TAX1BP1: variants seen among roughly 807,000 people sequenced by gnomAD.
The protein encoded by TAX1BP1 is tax1-binding protein 1.
Under a neutral mutation model 97.7 loss-of-function variants are expected in TAX1BP1, and 62 were observed. The observed-to-expected ratio is 0.63, with a 90% confidence interval of 0.52 to 0.78. The LOEUF (loss-of-function observed/expected upper bound fraction) is 0.78, where lower values mean the gene tolerates loss of function less well. Among genes scored for constraint, TAX1BP1 ranks in the 30% least tolerant of loss-of-function variants. The pLI is 0.00. For missense variants in TAX1BP1, 867 were observed against 916.1 expected (o/e 0.95, Z 0.69); for synonymous variants, 340 against 304.2 (o/e 1.12, Z -1.23).
chr7:27,814,562 A>G (rs1455670189), intron 13 of TAX1BP1, among the ~76,000 whole-genome samples: 1 of 152,150 alleles, frequency 6.6e-6, no homozygotes, highest in Non-Finnish European at 1.5e-5. Flanking sequence ...TTTAGTGTAT[A>G]GGCTTTGCAC....
At position 27,796,133 on chromosome 7, in the gene TAX1BP1, A is replaced by T; in HGVS notation, c.1552A>T (p.Ile518Leu). The T allele has an allele frequency of 1.2e-6, 2 of 1,606,616 alleles. No individual in the cohort carries two copies. The highest frequency in any genetic ancestry group is 2.2e-5 in the East Asian group (1 of 44,706). The stretch of plus-strand genomic sequence containing the variant: ...TTCTACAGCAGAGGCAGATTTTGAC[A>T]TAGTAACAAAGGGGCAAGTCTGTGA... ...SPSAAEADFD[I>L]VTKGQVCEMT... The change falls in exon 12 of 17, where the codon ATA (isoleucine) becomes TTA (leucine). Residue 518 changes from isoleucine (I) to leucine (L), a missense_variant. Ile to Leu is a conservative substitution (Grantham distance 5). Transcript: ENST00000396319.
Position 27,792,131 on chromosome 7 carries a change from G to A in TAX1BP1, c.1164G>A (p.Met388Ile). 1 of 1,614,026 alleles carries A rather than the reference G, an allele frequency of 6.2e-7. No individual in the cohort carries two copies. Among genetic ancestry groups the A allele is most frequent in the Non-Finnish European group, 8.5e-7 (1 of 1,180,026 alleles). ...CTGTCAACGTACGAGACAGAACGAT[G>A]GCAGACCTGCATACTGCACGCTTGG... ...SDAVNVRDRT[M>I]ADLHTARLEN... The change falls in exon 9 of 17, where the codon ATG becomes ATA. Residue 388 changes from methionine to isoleucine, a missense_variant. Around this residue, in one of 3 missense-constraint regions of TAX1BP1, gnomAD observed 822 missense variants for 851.4 expected, o/e 0.97. Transcript: ENST00000396319.
At chr7:27,794,645 A>C (rs1789852591) in intron 11 of TAX1BP1, among the ~76,000 whole-genome samples, 199 bp downstream of exon 11, 1 of 152,238 alleles carries the variant, frequency 6.6e-6, no homozygotes, top group Non-Finnish European at 1.5e-5. Context: ...ATGAACATAT[A>C]AAATGTGAAT....
chr7:27,792,148 C>T lies in TAX1BP1; in HGVS notation c.1181C>T (p.Ala394Val). The stretch of plus-strand genomic sequence containing the variant: ...AGAACGATGGCAGACCTGCATACTG[C>T]ACGCTTGGAAAACGAGAAAGTGAAA... Reference protein sequence around the residue: ...RDRTMADLHTARLENEKVKKQ... With the variant: ...RDRTMADLHTVRLENEKVKKQ... Residue 394 changes from alanine to valine, a missense_variant, in exon 9 of 17, where the codon GCA becomes GTA. Physicochemically the swap from Ala to Val is moderately conservative, Grantham distance 64. Transcript: ENST00000396319. The T allele has an allele frequency of 6.2e-7, 1 of 1,613,972 alleles. No homozygotes were observed. The highest frequency in any genetic ancestry group is 8.5e-7 in the Non-Finnish European group (1 of 1,180,022).
chr7:27,777,002 TC>T (rs756624656), intron 5 of TAX1BP1, among the ~76,000 whole-genome samples: 4 of 152,196 alleles, frequency 2.6e-5, no homozygotes, highest in Non-Finnish European at 5.9e-5. Context: ...TGAGTCTTTT[TC>T]ATGTCTTTCA....
chr7:27,781,181 T>G (rs1292314294), intron 5 of TAX1BP1, among the ~76,000 whole-genome samples: 2 of 152,164 alleles, frequency 1.3e-5, no homozygotes, highest in African/African-American at 2.4e-5. Context: ...TCTGTAAAAG[T>G]TGAATTTAAG....
At chr7:27,777,351 G>A (rs1234283232) in intron 5 of TAX1BP1, among the ~76,000 whole-genome samples, 2 of 152,052 alleles carry the variant, frequency 1.3e-5, no homozygotes, top group African/African-American at 4.8e-5. Context: ...TTGTTTAGTG[G>A]TACCAGAGCA....
At chr7:27,804,535 C>G (rs1256366296) in intron 13 of TAX1BP1, among the ~76,000 whole-genome samples, 1 of 152,210 alleles carries the variant, frequency 6.6e-6, no homozygotes, top group Non-Finnish European at 1.5e-5. Flanking sequence ...CTCAGTCCCA[C>G]AGGACTGCTC....
Position 27,765,862 on chromosome 7 carries a change from A to G in TAX1BP1, c.294A>G (p.Glu98=), listed in dbSNP as rs1378627234. 2.5e-6 allele frequency: 4 copies of G among 1,613,852 alleles called. No homozygotes were observed. The highest frequency in any genetic ancestry group is 1.1e-5 in the South Asian group (1 of 91,074). Residue 98 remains glutamate (E), a synonymous_variant, in exon 4 of 17, where the codon GAA becomes GAG. Coordinates refer to ENST00000396319, the MANE Select transcript of TAX1BP1 (RefSeq NM_006024.7). ...QGYYLPNDDG[E]FYQFCYVTHK... ...ATTACCTTCCAAATGATGATGGAGA[A>G]TTTTATCAGTTCTGTTACGTTACCC... is the stretch of plus-strand genomic sequence containing the variant.
At chr7:27,804,545 C>T (rs1282414587) in intron 13 of TAX1BP1, among the ~76,000 whole-genome samples, 1 of 152,192 alleles carries the variant, frequency 6.6e-6, no homozygotes. Flanking sequence ...CAGGACTGCT[C>T]CCACTTTAGA....
At chr7:27,746,994 T>C (rs1176215908) in intron 1 of TAX1BP1, among the ~76,000 whole-genome samples, 1 of 152,224 alleles carries the variant, frequency 6.6e-6, no homozygotes, top group Non-Finnish European at 1.5e-5. Context: ...CTGTTTTAGA[T>C]CTTAGCAATA....
At chr7:27,816,750 A>G in intron 14 of TAX1BP1, 140 bp from the exon 15 acceptor site, 1 of 1,143,478 alleles carries the variant, frequency 8.7e-7, no homozygotes, top group Non-Finnish European at 1.2e-6. Context: ...AATTTAAAAA[A>G]TCACCTGGGT....
intron 15 of TAX1BP1, among the ~76,000 whole-genome samples, chr7:27,826,679 G>T (rs191571820): frequency 6.6e-6 from 1 of 152,146 alleles, no homozygotes; most frequent in Non-Finnish European, 1.5e-5. Flanking sequence ...GATGTAGCAC[G>T]TACAGATCTC....
intron 2 of TAX1BP1, among the ~76,000 whole-genome samples, chr7:27,757,399 A>G (rs1788261307): frequency 6.6e-6 from 1 of 152,066 alleles, no homozygotes; most frequent in Admixed American, 6.6e-5. Context: ...AAATTTGCCA[A>G]TTGGCTGCAG....
chr7:27,786,187 A>C (rs1006431029), intron 7 of TAX1BP1, among the ~76,000 whole-genome samples: 11 of 148,724 alleles, frequency 7.4e-5, no homozygotes, highest in African/African-American at 2.7e-4. Flanking sequence ...GCTGAAGTGC[A>C]GTGGTGCGAT....
rs138448101 is a variant in TAX1BP1, at chr7:27,793,856, G to A, written c.1411-467G>A. Among the ~76,000 whole-genome samples the A allele has an allele frequency of 6.6e-3, 1,011 of 152,274 alleles. 8 individuals carry two copies. The highest frequency in any genetic ancestry group is 0.023 in the African/African-American group (946 of 41,548). On this transcript the variant is annotated intron_variant, in intron 10 of 16. Transcript: ENST00000396319. ...ATATTTAAAACCTGAAATTGAAAGT[G>A]GTACTATAGCTCTCTTTTACTATGT... is the stretch of plus-strand genomic sequence containing the variant.
chr7:27,762,862 A>G (rs954138617), intron 3 of TAX1BP1, among the ~76,000 whole-genome samples: 11 of 152,054 alleles, frequency 7.2e-5, no homozygotes, highest in Non-Finnish European at 1.5e-4. Context: ...TGAGGTGGGG[A>G]GGATCACTTG....
intron 4 of TAX1BP1, among the ~76,000 whole-genome samples, 155 bp from the exon 5 acceptor site, chr7:27,769,521 C>T (rs572083722): frequency 6.6e-6 from 1 of 151,664 alleles, no homozygotes; most frequent in East Asian, 1.9e-4. Flanking sequence ...TAACTGAAGG[C>T]TAAAAAAAGG....
In TAX1BP1 at chr7:27,785,447, A is replaced by G; in HGVS notation, c.810A>G (p.Glu270=). The part of the protein sequence containing the change: ...KKAQHEREQL[E]CQLKTEKDEK... The stretch of plus-strand genomic sequence containing the variant: ...CACAACATGAAAGAGAACAACTTGA[A>G]TGTCAGTTGAAGACAGAGAAGGATG... The change falls in exon 7 of 17, where the codon GAA becomes GAG. Residue 270 remains glutamate (E), a synonymous_variant. Coordinates refer to ENST00000396319, the MANE Select transcript of TAX1BP1 (RefSeq NM_006024.7). 2.5e-6 allele frequency: 4 copies of G among 1,613,726 alleles called. No homozygotes were observed. Among genetic ancestry groups the G allele is most frequent in the Non-Finnish European group, 3.4e-6 (4 of 1,179,904 alleles).
Sources: allele counts gnomAD v4.1 joint callset (sites outside exome capture counted in the v4.1 genomes callset), GRCh38; gene constraint gnomAD v4.1.1; regional missense constraint gnomAD v4.1.1; transcripts MANE v1.5; gene names NCBI Gene and HGNC (gene_info 2026-07-23, HGNC 2026-07-21).